Variants in PRSS55 observed in about 807,000 individuals in gnomAD.
PRSS55 encodes serine protease 55.
In PRSS55, 41 loss-of-function variants were observed where a neutral mutation model predicts 23.6. The observed-to-expected ratio is 1.74, with a 90% confidence interval of 1.35 to 2.26. The LOEUF is 2.26. PRSS55 is among the 30% of genes most tolerant of loss of function. PRSS55 has a pLI of 0.00. For synonymous variants in PRSS55, 262 were observed against 175.5 expected, an observed-to-expected ratio of 1.49 and a Z score of -3.90; for missense variants, 669 against 439.1, an observed-to-expected ratio of 1.52 and a Z score of -4.68.
downstream of PRSS55, chr8:10,540,340 T>A (rs1448732194): frequency 1.3e-5 from 2 of 152,304 alleles, no homozygotes; most frequent in African/African-American, 4.8e-5. Context: ...ATTCAGGAAA[T>A]GCAAATCCTT....
chr8:10,548,466 C>T (rs922283564), intron 4 of PRSS55, among the ~76,000 whole-genome samples: 1 of 152,124 alleles, frequency 6.6e-6, no homozygotes, highest in Non-Finnish European at 1.5e-5. Context: ...GGGCCCTGGG[C>T]CCAGGCATTG....
At chr8:10,532,646 C>A (rs116568290) in intron 3 of PRSS55, among the ~76,000 whole-genome samples, 2,621 of 152,302 alleles carry the variant, frequency 0.017, 69 homozygotes, top group African/African-American at 0.06. Context: ...GTGGGGCTGA[C>A]TGGGGTCAAG....
downstream of PRSS55, among the ~76,000 whole-genome samples, chr8:10,542,995 G>A (rs1009520556): frequency 1.8e-4 from 28 of 152,040 alleles, no homozygotes; most frequent in African/African-American, 6.5e-4. Context: ...TTATTTGGGG[G>A]AACCCTCTTC....
intron 4 of PRSS55, among the ~76,000 whole-genome samples, chr8:10,545,728 A>G (rs1419803283): frequency 1.3e-5 from 2 of 152,238 alleles, no homozygotes. Flanking sequence ...TTGAGACTGT[A>G]GAGACATGTG....
intron 3 of PRSS55, 48 bp downstream of exon 3, chr8:10,531,593 A>G: frequency 6.2e-7 from 1 of 1,602,996 alleles, no homozygotes; most frequent in Non-Finnish European, 8.5e-7. Context: ...CTGCAATGTG[A>G]AGGAGAGGGG....
At position 10,531,304 on chromosome 8, in the gene PRSS55, A is replaced by C; in HGVS notation, c.357A>C (p.Glu119Asp). 1 of 1,614,058 alleles carries C rather than the reference A, an allele frequency of 6.2e-7. No individual in the cohort carries two copies. The highest frequency in any genetic ancestry group is 8.5e-7 in the Non-Finnish European group (1 of 1,179,996). ...GGTTCTCTGCCACCAGTCCAGAAGAACTGAGTGTCGTGCTGGGGACCAACG... is the reference window on the plus strand; with the variant it reads ...GGTTCTCTGCCACCAGTCCAGAAGACCTGAGTGTCGTGCTGGGGACCAACG... ...CLYSEELFPE[E>D]LSVVLGTNDL... The change falls in exon 3 of 5, where the codon GAA (glutamate) becomes GAC (aspartate). Residue 119 changes from glutamate (E) to aspartate (D), a missense_variant. By Grantham distance (45) the Glu-to-Asp change is conservative. Coordinates refer to ENST00000328655, the MANE Select transcript of PRSS55 (RefSeq NM_198464.4).
At chr8:10,552,383 C>G (rs1253369734) in intron 4 of PRSS55, among the ~76,000 whole-genome samples, 2 of 152,122 alleles carry the variant, frequency 1.3e-5, no homozygotes, top group South Asian at 2.1e-4. Flanking sequence ...TTAGATATGA[C>G]CCCAAAAGCA....
intron 4 of PRSS55, among the ~76,000 whole-genome samples, chr8:10,551,574 G>T (rs958901982): frequency 6.6e-6 from 1 of 152,232 alleles, no homozygotes; most frequent in African/African-American, 2.4e-5. Flanking sequence ...GTCCTGCAAG[G>T]TCATCTTGTG....
At chr8:10,548,159 G>A (rs748674001) in intron 4 of PRSS55, among the ~76,000 whole-genome samples, 1 of 152,220 alleles carries the variant, frequency 6.6e-6, no homozygotes, top group Non-Finnish European at 1.5e-5. Context: ...TTAGGGAGCT[G>A]GGGCGGGCTT....
downstream of PRSS55, chr8:10,538,820 C>A (rs201129708): frequency 2.2e-5 from 34 of 1,526,014 alleles, no homozygotes; most frequent in Admixed American, 6.2e-4. Context: ...ATTCTTTCAA[C>A]CGAGGGAGGG....
At chr8:10,537,924 C>T (rs1231117918) in intron 4 of PRSS55, among the ~76,000 whole-genome samples, 5 of 152,100 alleles carry the variant, frequency 3.3e-5, no homozygotes, top group African/African-American at 1.2e-4. Flanking sequence ...GGTTCAGAAG[C>T]TCAACATAAA....
At chr8:10,545,021 A>T (rs1469545143) in intron 4 of PRSS55, 3 of 985,172 alleles carry the variant, frequency 3.0e-6, no homozygotes, top group South Asian at 4.7e-5. Context: ...AACAAACAGG[A>T]CATGGTGGCC....
At position 10,525,737 on chromosome 8, in the gene PRSS55, G is replaced by T. The variant is rs776097512; in HGVS notation, c.152G>T (p.Ser51Ile). The change falls in exon 1 of 5, where the codon AGT becomes ATT. Residue 51 changes from serine to isoleucine, a missense_variant and splice_region_variant. Physicochemically the swap from Ser to Ile is moderately radical, Grantham distance 142 (BLOSUM62 -2). Coordinates refer to ENST00000328655, the MANE Select transcript of PRSS55 (RefSeq NM_198464.4). ...CCCCCTCATCCCCCCAGCCCAGTCA[G>T]TGGTGAGTACAGGGGCAGAAGGGGC... is the stretch of plus-strand genomic sequence containing the variant. ...PQPPHPPSPV[S>I]ECGDRSIFEG... 6.2e-7 allele frequency: 1 copy of T among 1,603,836 alleles called. No homozygotes were observed. The highest frequency in any genetic ancestry group is 8.5e-7 in the Non-Finnish European group (1 of 1,175,254).
chr8:10,532,067 C>G (rs1015859305), intron 3 of PRSS55, among the ~76,000 whole-genome samples: 2 of 152,088 alleles, frequency 1.3e-5, no homozygotes, highest in South Asian at 2.1e-4. Context: ...CCCAAAAAAA[C>G]CCAACAAAAC....
intron 4 of PRSS55, among the ~76,000 whole-genome samples, chr8:10,553,094 G>A (rs184291733): frequency 1.3e-5 from 2 of 152,252 alleles, no homozygotes; most frequent in Admixed American, 6.5e-5. Context: ...CTGGTGGGAA[G>A]TGATCGGATC....
chr8:10,538,835 T>C (rs767077586), downstream of PRSS55: 10 of 1,504,330 alleles, frequency 6.6e-6, no homozygotes, highest in South Asian at 4.0e-5. Context: ...GGAGGGTGCA[T>C]GCAAGTGCGT....
intron 4 of PRSS55, among the ~76,000 whole-genome samples, chr8:10,550,129 G>C (rs1812919870): frequency 6.6e-6 from 1 of 152,124 alleles, no homozygotes; most frequent in Non-Finnish European, 1.5e-5. Context: ...ATGTTGGCCA[G>C]GCTGATTGGT....
rs1390597981 is a variant in PRSS55 at position 10,525,718 on chromosome 8, C to T, written c.133C>T (p.His45Tyr). Residue 45 changes from histidine (H) to tyrosine (Y), a missense_variant, in exon 1 of 5, where the codon CAT becomes TAT. Coordinates refer to ENST00000328655, the MANE Select transcript of PRSS55 (RefSeq NM_198464.4). ...ARGAHRPQPP[H>Y]PPSPVSECGD... The stretch of plus-strand genomic sequence containing the variant: ...GGGAGCCCACCGCCCTCAGCCCCCT[C>T]ATCCCCCCAGCCCAGTCAGTGGTGA... The T allele has an allele frequency of 1.9e-6, 3 of 1,609,786 alleles. No individual in the cohort carries two copies. The highest frequency in any genetic ancestry group is 2.7e-5 in the African/African-American group (2 of 74,856).
rs746250450 is a variant in PRSS55 at position 10,529,634 on chromosome 8, C to T, written c.282C>T (p.Gly94=). The change falls in exon 2 of 5, where the codon GGC becomes GGT. Residue 94 remains glycine (G), a synonymous_variant. Transcript: ENST00000328655. ...SIQARSEPFC[G]GSILNKWWIL... Reference sequence around the variant, plus strand: ...AGGCAAGAAGTGAACCTTTCTGTGGCGGCTCCATCCTCAACAAGTGGTGGA... The same window carrying T: ...AGGCAAGAAGTGAACCTTTCTGTGGTGGCTCCATCCTCAACAAGTGGTGGA... 1.2e-5 allele frequency: 20 copies of T among 1,614,030 alleles called. No homozygotes were observed. Among genetic ancestry groups the T allele is most frequent in the African/African-American group, 9.3e-5 (7 of 74,910 alleles).
Sources: allele counts gnomAD v4.1 joint callset (sites outside exome capture counted in the v4.1 genomes callset), GRCh38; gene constraint gnomAD v4.1.1; transcripts MANE v1.5; gene names NCBI Gene and HGNC (gene_info 2026-07-23, HGNC 2026-07-21).